The following DNER variants were observed in gnomAD, a reference collection of about 807,000 sequenced individuals.
DNER encodes the protein delta and Notch-like epidermal growth factor-related receptor.
DNER carries 33 observed loss-of-function variants against 78.2 expected under a neutral mutation model. The ratio of observed to expected loss-of-function variants is 0.42; its 90% CI spans 0.32 to 0.56. The LOEUF is 0.56. Among genes scored for constraint, DNER ranks in the 20% least tolerant of loss-of-function variants. The probability of loss-of-function intolerance (pLI) is 0.11; values close to 1 mark genes in which losing one functional copy is unlikely to be tolerated. For missense variants in DNER, 918 were observed against 975.3 expected (o/e 0.94, Z 0.78); for synonymous variants, 417 against 384.8 (o/e 1.08, Z -0.98).
At chr2:229,418,777 C>T (rs1452004840) in intron 8 of DNER, among the ~76,000 whole-genome samples, 1 of 151,964 alleles carries the variant, frequency 6.6e-6, no homozygotes, top group Non-Finnish European at 1.5e-5. Context: ...AAAAATTAGC[C>T]AGGCGTGGTG....
intron 1 of DNER, among the ~76,000 whole-genome samples, chr2:229,615,042 C>G (rs1267418027): frequency 6.6e-6 from 1 of 152,150 alleles, no homozygotes; most frequent in Non-Finnish European, 1.5e-5. Context: ...ACGACATAGT[C>G]AAGGCAGGGA....
intron 1 of DNER, among the ~76,000 whole-genome samples, chr2:229,635,873 A>G (rs1216986289): frequency 5.3e-5 from 8 of 152,162 alleles, no homozygotes; most frequent in Non-Finnish European, 1.5e-5. Flanking sequence ...TGTGCATGTT[A>G]TAGGTATTAA....
At chr2:229,480,964 G>C (rs1005273809) in intron 6 of DNER, among the ~76,000 whole-genome samples, 6 of 152,214 alleles carry the variant, frequency 3.9e-5, no homozygotes, top group African/African-American at 1.2e-4. Flanking sequence ...AACACTAATG[G>C]AGGAGCATGG....
intron 1 of DNER, among the ~76,000 whole-genome samples, chr2:229,671,448 T>G (rs761638102): frequency 1.3e-5 from 2 of 152,194 alleles, no homozygotes; most frequent in Non-Finnish European, 2.9e-5. Context: ...ATGTCATCAC[T>G]TCCTTTAATT....
At chr2:229,530,810 C>T (rs1342570112) in intron 5 of DNER, among the ~76,000 whole-genome samples, 1 of 152,206 alleles carries the variant, frequency 6.6e-6, no homozygotes, top group Non-Finnish European at 1.5e-5. Flanking sequence ...TTCAAATGCT[C>T]ATTATGTGAA....
At chr2:229,387,291 A>T (rs1297786364) in intron 11 of DNER, among the ~76,000 whole-genome samples, 1 of 152,106 alleles carries the variant, frequency 6.6e-6, no homozygotes, top group Admixed American at 6.6e-5. Context: ...ACACATGGAC[A>T]TAGGGAGAGG....
intron 4 of DNER, among the ~76,000 whole-genome samples, chr2:229,558,740 G>A (rs1040302925): frequency 9.2e-5 from 14 of 152,156 alleles, no homozygotes; most frequent in African/African-American, 2.9e-4. Flanking sequence ...TTCAGCAGAT[G>A]TTTGCCGAGG....
Position 229,477,265 on chromosome 2 carries a change from A to G in DNER, c.1148-12T>C, listed in dbSNP as rs1350980437. On this transcript the variant is annotated splice_polypyrimidine_tract_variant and intron_variant, in intron 6 of 12. Transcript: ENST00000341772. ...CTCTCCAGTATAACCTGAATAAAACAAAATGTACATTTTATAAAATAAGCT... is the reference window on the plus strand; with the variant it reads ...CTCTCCAGTATAACCTGAATAAAACGAAATGTACATTTTATAAAATAAGCT... 4.5e-6 allele frequency: 7 copies of G among 1,556,696 alleles called. No homozygotes were observed. The highest frequency in any genetic ancestry group is 4.4e-5 in the African/African-American group (3 of 68,764).
intron 6 of DNER, among the ~76,000 whole-genome samples, chr2:229,498,187 T>C (rs1018005183): frequency 1.1e-4 from 17 of 152,196 alleles, no homozygotes; most frequent in African/African-American, 4.1e-4. Flanking sequence ...CACATCATCA[T>C]CTCAATAGAT....
At chr2:229,570,156 A>G (rs550606362) in intron 4 of DNER, among the ~76,000 whole-genome samples, 2 of 152,246 alleles carry the variant, frequency 1.3e-5, no homozygotes, top group South Asian at 2.1e-4. Flanking sequence ...CCTCCTGACT[A>G]TTTACCAGGA....
intron 7 of DNER, among the ~76,000 whole-genome samples, chr2:229,467,461 C>T (rs1220866550): frequency 6.6e-6 from 1 of 152,164 alleles, no homozygotes; most frequent in African/African-American, 2.4e-5. Flanking sequence ...TCTGTCTGTT[C>T]AACGTTGTCT....
chr2:229,582,668 C>A (rs912821667), intron 4 of DNER, among the ~76,000 whole-genome samples: 1 of 152,106 alleles, frequency 6.6e-6, no homozygotes, highest in African/African-American at 2.4e-5. Flanking sequence ...GAGTTGGAGT[C>A]TCACTCTGCT....
chr2:229,605,820 AG>A (rs1184815989), intron 1 of DNER, among the ~76,000 whole-genome samples: 1 of 152,138 alleles, frequency 6.6e-6, no homozygotes, highest in Non-Finnish European at 1.5e-5. Context: ...TGAACCTAGG[AG>A]GCGGAGGTTG....
intron 4 of DNER, among the ~76,000 whole-genome samples, chr2:229,579,966 A>G (rs1697365689): frequency 6.6e-6 from 1 of 152,202 alleles, no homozygotes; most frequent in African/African-American, 2.4e-5. Context: ...TAGTAAAAGA[A>G]AAGTCTTATT....
intron 11 of DNER, among the ~76,000 whole-genome samples, chr2:229,369,725 C>G (rs945289306): frequency 1.1e-4 from 17 of 152,072 alleles, no homozygotes; most frequent in African/African-American, 4.1e-4. Context: ...CTGTGATTGG[C>G]GTAGGTCAAG....
chr2:229,453,228 G>A (rs1056208413), intron 7 of DNER, among the ~76,000 whole-genome samples: 5 of 152,186 alleles, frequency 3.3e-5, no homozygotes, highest in Non-Finnish European at 7.3e-5. Flanking sequence ...CTCTCCAATT[G>A]TTAAGTGTTA....
rs543970451 is a variant in DNER at position 229,700,888 on chromosome 2, G to A, written c.276+13260C>T. 1.8e-4 allele frequency among the ~76,000 whole-genome samples: 26 copies of A among 145,000 alleles called. No homozygotes were observed. In the East Asian group the frequency reaches 3.4e-3, roughly 19 times the overall value. On this transcript the variant is annotated intron_variant, in intron 1 of 12. Coordinates refer to ENST00000341772, the MANE Select transcript of DNER (RefSeq NM_139072.4). ...AGCCTGGGCGACAGAGCGAGACTCC[G>A]TCTCAAAAAAAAAAAAAAAAGATAT...
At chr2:229,627,648 C>T (rs999008911) in intron 1 of DNER, among the ~76,000 whole-genome samples, 11 of 152,128 alleles carry the variant, frequency 7.2e-5, no homozygotes, top group African/African-American at 2.2e-4. Flanking sequence ...GATTAACAAG[C>T]GAAGCCTTAT....
intron 1 of DNER, among the ~76,000 whole-genome samples, chr2:229,640,194 T>G (rs1170005971): frequency 6.6e-6 from 1 of 152,232 alleles, no homozygotes; most frequent in African/African-American, 2.4e-5. Context: ...TCAGCCCAAG[T>G]GTGCTTTCGT....
Sources: gnomAD v4.1 joint callset for allele counts (sites outside exome capture counted in the v4.1 genomes callset) on GRCh38, gnomAD v4.1.1 for gene constraint, MANE v1.5 for transcripts, NCBI Gene and HGNC (gene_info 2026-07-23, HGNC 2026-07-21) for gene names.